Variants in ATRX observed in about 807,000 individuals in gnomAD.
The protein encoded by ATRX is chromatin remodeler ATRX.
A neutral mutation model predicts 172.6 loss-of-function variants in ATRX; 12 were observed. The observed-to-expected ratio is 0.07, with a 90% CI of 0.04 to 0.11. The LOEUF is 0.11. ATRX is among the 10% of genes least tolerant of loss of function. The pLI, the probability that ATRX is intolerant of heterozygous loss-of-function variation, is 1.00. For missense variants in ATRX, 1,368 were observed against 1,767.4 expected (o/e 0.77, Z 4.05); for synonymous variants, 674 against 594.7 (o/e 1.13, Z -1.94).
intron 22 of ATRX, among the ~76,000 whole-genome samples, chrX:77,611,699 A>T (rs2067160571): frequency 9.0e-6 from 1 of 110,869 alleles, no homozygotes; most frequent in Non-Finnish European, 1.9e-5. Flanking sequence ...TCTCTATATA[A>T]AAAATGTTTA....
At chrX:77,538,230 A>C (rs201351943) in intron 30 of ATRX, among the ~76,000 whole-genome samples, 28 of 95,993 alleles carry the variant, frequency 2.9e-4, no homozygotes, top group Non-Finnish European at 3.8e-4. Flanking sequence ...TACACACACA[A>C]ACACACACAC....
intron 28 of ATRX, among the ~76,000 whole-genome samples, chrX:77,570,443 C>A (rs1387295244): frequency 9.1e-6 from 1 of 110,452 alleles, no homozygotes; most frequent in Admixed American, 9.7e-5. Flanking sequence ...AAGTATGAGC[C>A]ACTGTGCACT....
At chrX:77,560,702 A>G (rs1441598584) in intron 28 of ATRX, among the ~76,000 whole-genome samples, 3 of 111,758 alleles carry the variant, frequency 2.7e-5, no homozygotes, top group African/African-American at 9.7e-5. Flanking sequence ...AAAGTTTACA[A>G]TTTAGTCTAC....
At chrX:77,561,326 T>C (rs530765270) in intron 28 of ATRX, among the ~76,000 whole-genome samples, 3 of 109,817 alleles carry the variant, frequency 2.7e-5, no homozygotes, top group Admixed American at 9.7e-5. Flanking sequence ...CATACATACA[T>C]ACACACACAC....
intron 1 of ATRX, among the ~76,000 whole-genome samples, chrX:77,742,434 A>T (rs1344145131): frequency 8.9e-6 from 1 of 112,073 alleles, no homozygotes; most frequent in Non-Finnish European, 1.9e-5. Context: ...TTGGGCAGAA[A>T]GAAAACTGCC....
intron 2 of ATRX, among the ~76,000 whole-genome samples, chrX:77,716,125 T>C (rs1444253549): frequency 3.8e-5 from 1 of 26,176 alleles, no homozygotes; most frequent in African/African-American, 7.4e-5. Flanking sequence ...TTTTTTTTTT[T>C]TTTTTTTTTT....
At chrX:77,575,298 A>C (rs2065574532) in intron 27 of ATRX, among the ~76,000 whole-genome samples, 1 of 110,382 alleles carries the variant, frequency 9.1e-6, no homozygotes, top group Admixed American at 9.7e-5. Flanking sequence ...TGATATAGAA[A>C]ACCCAGAATT....
rs782437647 is a variant in ATRX, at chrX:77,655,455, T to C, written c.4214+1105A>G. On this transcript the variant is annotated intron_variant, in intron 13 of 34. Transcript: ENST00000373344. ...AAATCCATTCATAAAAGGATATACA[T>C]TATATGAATCAACTCATGCAAAATA... is the stretch of plus-strand genomic sequence containing the variant. Among the ~76,000 whole-genome samples the C allele has an allele frequency of 3.6e-5, 4 of 111,044 alleles. No homozygotes were observed. In the Admixed American group the frequency reaches 3.8e-4, roughly 11 times the overall value.
intron 1 of ATRX, among the ~76,000 whole-genome samples, chrX:77,719,900 G>A (rs1018441158): frequency 4.5e-5 from 5 of 111,574 alleles, no homozygotes; most frequent in African/African-American, 6.5e-5. Context: ...GCACCTCATC[G>A]TGCTTATTCT....
intron 1 of ATRX, among the ~76,000 whole-genome samples, chrX:77,726,242 G>A (rs1557172771): frequency 4.5e-5 from 5 of 110,837 alleles, no homozygotes; most frequent in Non-Finnish European, 9.4e-5. Flanking sequence ...ATCAATGACA[G>A]ACTGGATTAA....
intron 2 of ATRX, among the ~76,000 whole-genome samples, chrX:77,715,751 G>A (rs1243800538): frequency 1.6e-4 from 18 of 111,293 alleles, no homozygotes; most frequent in Non-Finnish European, 3.4e-4. Context: ...CTAGTCTGAT[G>A]TTTTTCATCA....
intron 27 of ATRX, among the ~76,000 whole-genome samples, chrX:77,580,571 C>T (rs1557073422): frequency 1.8e-5 from 2 of 111,563 alleles, no homozygotes; most frequent in African/African-American, 6.5e-5. Flanking sequence ...AAAAAATAAC[C>T]TCTAAACATA....
At chrX:77,643,400 C>G in intron 15 of ATRX, among the ~76,000 whole-genome samples, 1 of 109,934 alleles carries the variant, frequency 9.1e-6, no homozygotes. Flanking sequence ...TTTTTTTTTT[C>G]AAGATACAGG....
At chrX:77,594,021 G>A in intron 25 of ATRX, 172 bp from the exon 26 acceptor site, 1 of 436,738 alleles carries the variant, frequency 2.3e-6, no homozygotes. Flanking sequence ...AGCACAGAAG[G>A]ACAGAGACTA....
At chrX:77,536,545 G>T (rs1443415728) in intron 30 of ATRX, among the ~76,000 whole-genome samples, 2 of 111,264 alleles carry the variant, frequency 1.8e-5, no homozygotes, top group Non-Finnish European at 3.8e-5. Context: ...ACCACTTTAG[G>T]ATATTAATAT....
intron 34 of ATRX, among the ~76,000 whole-genome samples, chrX:77,509,401 C>G (rs782004950): frequency 8.9e-6 from 1 of 111,870 alleles, no homozygotes; most frequent in East Asian, 2.8e-4. Context: ...CTCCACTGAT[C>G]GTCCTCCCCG....
rs1170232589 is a variant in ATRX, at chrX:77,651,217, CAAAAAAAAAAAA to C, written c.4557+885_4557+896del. ...GGGTGACAAGAGTGAAACTCCATCT[CAAAAAAAAAAAA>C]AAAAAAAAAAAAAAAAAAGATGAAA... On this transcript the variant is annotated intron_variant, in intron 15 of 34. Coordinates refer to ENST00000373344, the MANE Select transcript of ATRX (RefSeq NM_000489.6). Among the ~76,000 whole-genome samples, 226 of 16,485 alleles carry C rather than the reference CAAAAAAAAAAAA, an allele frequency of 0.014. 2 individuals carry two copies. In the South Asian group the frequency reaches 0.15, roughly 11 times the overall value. The allele number at this position is 16,485 out of a possible 115,157, so 14.3% of individuals were successfully genotyped here. A position where few individuals can be genotyped will look rare whatever the true frequency, so the allele number is the denominator to read the frequency against.
At chrX:77,576,913 C>T (rs2065639832) in intron 27 of ATRX, among the ~76,000 whole-genome samples, 1 of 111,891 alleles carries the variant, frequency 8.9e-6, no homozygotes, top group Non-Finnish European at 1.9e-5. Context: ...ATATTGTCTT[C>T]AAGATTCATA....
At position 77,683,615 on chromosome X, in the gene ATRX, A is replaced by T. The variant is rs1557141123; in HGVS notation, c.1641T>A (p.Asp547Glu). 1 of 1,211,781 alleles carries T rather than the reference A, an allele frequency of 8.3e-7. No homozygotes were observed. The highest frequency in any genetic ancestry group is 1.1e-6 in the Non-Finnish European group (1 of 895,415). Residue 547 changes from aspartate (D) to glutamate (E), a missense_variant, in exon 9 of 35, where the codon GAT (aspartate) becomes GAA (glutamate). Coordinates refer to ENST00000373344, the MANE Select transcript of ATRX (RefSeq NM_000489.6). ...EVQSSVDHQG[D>E]GSSGTEQEVE... is the part of the protein sequence containing the mutation. ...CTTCTTGTTCAGTTCCACTGCTGCC[A>T]TCCCCTTGATGATCAACTGAACTCT...
Sources: allele counts gnomAD v4.1 joint callset (sites outside exome capture counted in the v4.1 genomes callset), GRCh38; gene constraint gnomAD v4.1.1; transcripts MANE v1.5; gene names NCBI Gene and HGNC (gene_info 2026-07-23, HGNC 2026-07-21).